Variants in CMTM4 observed in about 807,000 individuals in gnomAD.
CMTM4 encodes CKLF like MARVEL transmembrane domain containing 4.
CMTM4 carries 8 observed loss-of-function variants against 19.0 expected under a neutral mutation model. The ratio of observed to expected loss-of-function variants is 0.42; its 90% confidence interval spans 0.25 to 0.76. The LOEUF is 0.76. Among genes scored for constraint, CMTM4 ranks in the 30% least tolerant of loss-of-function variants. The pLI, the probability that CMTM4 is intolerant of heterozygous loss-of-function variation, is 0.27. For missense variants in CMTM4, 228 were observed against 290.2 expected, an observed-to-expected ratio of 0.79 and a Z score of 1.56; for synonymous variants, 106 against 121.1, an observed-to-expected ratio of 0.88 and a Z score of 0.82.
Position 66,619,246 on chromosome 16 carries a change from CCAAT to C in CMTM4, c.*2808_*2811del. On this transcript the variant is annotated 3_prime_UTR_variant, in exon 4 of 4. Coordinates refer to ENST00000394106, the MANE Select transcript of CMTM4 (RefSeq NM_181521.3). ...CAGAGGGAAAAAATACCAAATCCAC[CCAAT>C]CAGTGCCAAAATAAACTTTCTCTGA... is the stretch of plus-strand genomic sequence containing the variant. 1.0e-6 allele frequency: 1 copy of C among 985,394 alleles called. No individual in the cohort carries two copies. The highest frequency in any genetic ancestry group is 1.2e-6 in the Non-Finnish European group (1 of 829,934). 61.0% of individuals were successfully genotyped at this position (985,394 alleles called of 1,614,324 possible).
At chr16:66,638,398 C>A (rs1350135836) in intron 1 of CMTM4, among the ~76,000 whole-genome samples, 1 of 152,222 alleles carries the variant, frequency 6.6e-6, no homozygotes, top group East Asian at 1.9e-4. Context: ...CTACACAGAA[C>A]CTCTTTCCTA....
chr16:66,620,303 G>A lies in CMTM4; in HGVS notation c.*1755C>T. The A allele has an allele frequency of 1.0e-6, 1 of 985,494 alleles. No individual in the cohort carries two copies. The highest frequency in any genetic ancestry group is 1.2e-6 in the Non-Finnish European group (1 of 829,952). 61.0% of individuals were successfully genotyped at this position (985,494 alleles called of 1,614,324 possible). A position where few individuals can be genotyped will look rare whatever the true frequency, so the allele number is the denominator to read the frequency against. ...TGACAGGCAGCACACCCAGCTGTGA[G>A]CTGGCCTGGCTGCCCTCTCTGTGGG... On this transcript the variant is annotated 3_prime_UTR_variant, in exon 4 of 4. Transcript: ENST00000394106.
At chr16:66,689,166 A>G (rs2017091148) in intron 1 of CMTM4, among the ~76,000 whole-genome samples, 1 of 152,238 alleles carries the variant, frequency 6.6e-6, no homozygotes, top group Non-Finnish European at 1.5e-5. Flanking sequence ...ATGATCTTGA[A>G]TATGAGTGGT....
chr16:66,659,640 A>G (rs72790482), intron 1 of CMTM4, among the ~76,000 whole-genome samples: 6,593 of 152,268 alleles, frequency 0.043, 269 homozygotes, highest in East Asian at 0.16. Context: ...ATTAAGGAAT[A>G]ATTATGTTAT....
the CMTM4 span, chr16:66,604,667 G>T: frequency 1.6e-6 from 1 of 607,612 alleles, no homozygotes. Flanking sequence ...GGGGCGGGGC[G>T]GGGCGTGGCG....
chr16:66,602,829 G>A, the CMTM4 span, among the ~76,000 whole-genome samples: 26 of 152,068 alleles, frequency 1.7e-4, 1 homozygote, highest in Middle Eastern at 6.9e-3. Flanking sequence ...TTATAGGCAT[G>A]GGCCACTGCA....
Position 66,621,147 on chromosome 16 carries a change from T to G in CMTM4, c.*911A>C. On this transcript the variant is annotated 3_prime_UTR_variant, in exon 4 of 4. Transcript: ENST00000394106. ...AGCACACATCCCTAAAATAGAGGGG[T>G]GTGTGTGTGCATGTGTGCGCGCACG... is the stretch of plus-strand genomic sequence containing the variant. The G allele has an allele frequency of 3.0e-6, 3 of 985,604 alleles. No homozygotes were observed. The highest frequency in any genetic ancestry group is 3.6e-6 in the Non-Finnish European group (3 of 829,880). 61.1% of individuals were successfully genotyped at this position (985,604 alleles called of 1,614,324 possible).
Position 66,623,432 on chromosome 16 carries a change from T to A in CMTM4, c.434A>T (p.His145Leu). 1 of 1,613,898 alleles carries A rather than the reference T, an allele frequency of 6.2e-7. No homozygotes were observed. ...IASIVLAALN[H>L]RAGAEIAAVI... ...GGCAGCAATTTCTGCTCCGGCTCTA[T>A]GGTTTAAAGCAGCCAGTACGATTGA... The change falls in exon 3 of 4, where the codon CAT (histidine) becomes CTT (leucine). Residue 145 changes from histidine (H) to leucine (L), a missense_variant. Physicochemically the swap from His to Leu is moderately conservative, Grantham distance 99 (BLOSUM62 -3). Transcript: ENST00000394106.
At chr16:66,666,159 G>T (rs1451735423) in intron 1 of CMTM4, among the ~76,000 whole-genome samples, 1 of 151,028 alleles carries the variant, frequency 6.6e-6, no homozygotes, top group Non-Finnish European at 1.5e-5. Context: ...AAATTGTTAA[G>T]AAAATAAGAC....
At chr16:66,626,935 ACAAAAAAATT>A (rs984845050) in intron 2 of CMTM4, among the ~76,000 whole-genome samples, 1 of 151,952 alleles carries the variant, frequency 6.6e-6, no homozygotes, top group Non-Finnish European at 1.5e-5. Flanking sequence ...CCCTGTCTCT[ACAAAAAAATT>A]CAAAAAAATT....
intron 1 of CMTM4, among the ~76,000 whole-genome samples, chr16:66,652,648 A>G (rs2016332422): frequency 6.6e-6 from 1 of 152,234 alleles, no homozygotes; most frequent in Non-Finnish European, 1.5e-5. Flanking sequence ...CCCATCAACA[A>G]CGGCTGGATA....
At chr16:66,605,632 G>C in the CMTM4 span, 1 of 154,106 alleles carries the variant, frequency 6.5e-6, no homozygotes, top group African/African-American at 2.4e-5. This position sits in a 1 kb window ranked among gnomAD's most constrained non-coding sequence, Gnocchi z 4.6. Flanking sequence ...CGGGGGAGGC[G>C]GGAGGAGAGA....
chr16:66,644,874 C>T (rs2016162177), intron 1 of CMTM4, among the ~76,000 whole-genome samples: 1 of 152,210 alleles, frequency 6.6e-6, no homozygotes, highest in African/African-American at 2.4e-5. Flanking sequence ...CTACTCGATT[C>T]ATAAAAATTA....
At chr16:66,642,439 T>A (rs2016112055) in intron 1 of CMTM4, among the ~76,000 whole-genome samples, 1 of 152,130 alleles carries the variant, frequency 6.6e-6, no homozygotes, top group Non-Finnish European at 1.5e-5. Context: ...CTGGGCCAGG[T>A]ACAGTGGCTC....
intron 1 of CMTM4, among the ~76,000 whole-genome samples, chr16:66,651,163 C>A (rs2016303009): frequency 6.6e-6 from 1 of 152,120 alleles, no homozygotes; most frequent in Admixed American, 6.6e-5. Flanking sequence ...GCTTCCGAAG[C>A]CAGCTCCTCT....
intron 1 of CMTM4, among the ~76,000 whole-genome samples, chr16:66,685,505 T>C (rs1239040472): frequency 6.6e-6 from 1 of 152,120 alleles, no homozygotes; most frequent in Admixed American, 6.6e-5. Flanking sequence ...AGCACGACTT[T>C]AGGCTGGAAA....
At chr16:66,657,913 A>G (rs916933808) in intron 1 of CMTM4, among the ~76,000 whole-genome samples, 1 of 152,178 alleles carries the variant, frequency 6.6e-6, no homozygotes, top group Non-Finnish European at 1.5e-5. Flanking sequence ...ATAAATGCAA[A>G]AGGAATGATT....
intron 1 of CMTM4, among the ~76,000 whole-genome samples, chr16:66,645,510 G>A (rs561184192): frequency 6.6e-6 from 1 of 152,234 alleles, no homozygotes; most frequent in African/African-American, 2.4e-5. Context: ...CCGGGAGGCA[G>A]AGGTTGCAGT....
rs1445000108 is a variant in CMTM4 at position 66,624,098 on chromosome 16, A to G, written c.364-596T>C. On this transcript the variant is annotated intron_variant, in intron 2 of 3. Transcript: ENST00000394106. ...GAAGGGAACATAGCAGGGTAATGAA[A>G]GGTCACAGCTTGACCAGGGTCCAAA... Among the ~76,000 whole-genome samples the G allele has an allele frequency of 7.2e-5, 11 of 152,256 alleles. 1 individual carries two copies. Among genetic ancestry groups the G allele is most frequent in the Non-Finnish European group, 1.6e-4 (11 of 68,044 alleles).
Sources: gnomAD v4.1 joint callset for allele counts (sites outside exome capture counted in the v4.1 genomes callset) on GRCh38, gnomAD v4.1.1 for gene constraint, Gnocchi (gnomAD v3.1) non-coding constraint, MANE v1.5 for transcripts, NCBI Gene and HGNC (gene_info 2026-07-23, HGNC 2026-07-21) for gene names.